Variants in SPTBN1 observed in about 807,000 individuals in gnomAD.
SPTBN1 encodes spectrin beta chain, non-erythrocytic 1.
A neutral mutation model predicts 266.4 loss-of-function variants in SPTBN1; 32 were observed. The observed-to-expected ratio is 0.12, with a 90% CI of 0.09 to 0.16. SPTBN1 has a LOEUF of 0.16. Among genes scored for constraint, SPTBN1 ranks in the 10% least tolerant of loss-of-function variants. SPTBN1 has a pLI of 1.00. For missense variants in SPTBN1, 2,296 were observed against 3,067.1 expected (o/e 0.75, Z 5.94); for synonymous variants, 1,336 against 1,162.2 (o/e 1.15, Z -3.04).
chr2:54,471,662 G>C (rs1252170603), intron 1 of SPTBN1, among the ~76,000 whole-genome samples: 1 of 152,112 alleles, frequency 6.6e-6, no homozygotes, highest in Non-Finnish European at 1.5e-5. Context: ...GGAGCAAGCT[G>C]TGTGACAAGC....
At chr2:54,635,869 T>C (rs1390890864) in intron 17 of SPTBN1, among the ~76,000 whole-genome samples, 2 of 152,282 alleles carry the variant, frequency 1.3e-5, no homozygotes, top group African/African-American at 4.8e-5. Flanking sequence ...GGGAATTTCC[T>C]TTTGACATTC....
intron 1 of SPTBN1, among the ~76,000 whole-genome samples, chr2:54,478,973 A>G (rs1311867929): frequency 6.6e-6 from 1 of 152,198 alleles, no homozygotes; most frequent in Non-Finnish European, 1.5e-5. Flanking sequence ...GTATGGAACT[A>G]AAAGCCAGAA....
intron 2 of SPTBN1, among the ~76,000 whole-genome samples, chr2:54,584,811 A>G (rs1413392822): frequency 6.6e-6 from 1 of 152,198 alleles, no homozygotes; most frequent in East Asian, 1.9e-4. Flanking sequence ...ACCTAAGACA[A>G]TATTGGCTTA....
chr2:54,596,783 G>GT (rs1481779504), intron 2 of SPTBN1, among the ~76,000 whole-genome samples: 1 of 152,156 alleles, frequency 6.6e-6, no homozygotes, highest in Non-Finnish European at 1.5e-5. Context: ...ATCTCAGTCT[G>GT]TTTCAGCTCT....
chr2:54,529,808 C>CT, intron 2 of SPTBN1: 1 of 484,328 alleles, frequency 2.1e-6, no homozygotes, highest in South Asian at 1.5e-5. Context: ...ATCATCCAAA[C>CT]TGAGTCCATC....
chr2:54,477,451 A>G (rs1022833974), intron 1 of SPTBN1, among the ~76,000 whole-genome samples: 1 of 151,154 alleles, frequency 6.6e-6, no homozygotes, highest in African/African-American at 2.4e-5. Flanking sequence ...AAATCATGTT[A>G]AATCCAGGCC....
At chr2:54,458,507 A>G (rs962986910) in intron 1 of SPTBN1, among the ~76,000 whole-genome samples, 4 of 152,216 alleles carry the variant, frequency 2.6e-5, no homozygotes, top group African/African-American at 9.6e-5. Flanking sequence ...TAATGGGATT[A>G]TGACAGTAAC....
Position 54,629,561 on chromosome 2 carries a change from C to T in SPTBN1, c.2427C>T (p.Ala809=). 1.2e-6 allele frequency: 2 copies of T among 1,614,112 alleles called. No homozygotes were observed. Among genetic ancestry groups the T allele is most frequent in the South Asian group, 1.1e-5 (1 of 91,090 alleles). ...ACACGCTGCACGAACAAGCCAGCGC[C>T]CTCCCCCAGGAGCATGCCGAGTCTC... ...TLDTLHEQAS[A]LPQEHAESPD... The change falls in exon 14 of 36, where the codon GCC becomes GCT. Residue 809 remains alanine (A), a synonymous_variant. Coordinates refer to ENST00000356805, the MANE Select transcript of SPTBN1 (RefSeq NM_003128.3).
intron 3 of SPTBN1, among the ~76,000 whole-genome samples, chr2:54,608,714 GCACA>G (rs760235577): frequency 6.6e-6 from 1 of 151,274 alleles, no homozygotes; most frequent in Non-Finnish European, 1.5e-5. Context: ...GTGCGCGCAT[GCACA>G]CACACAGTGG....
chr2:54,621,349 T>TG (rs915979641), intron 7 of SPTBN1, 51 bp from the exon 8 acceptor site: 2 of 1,370,850 alleles, frequency 1.5e-6, no homozygotes, highest in African/African-American at 2.8e-5. Flanking sequence ...GCTACCTGGG[T>TG]GGGGCACAGT....
At chr2:54,463,852 CTGATTTATATATATGTATTTTT>C (rs1693495504) in intron 1 of SPTBN1, among the ~76,000 whole-genome samples, 1 of 152,118 alleles carries the variant, frequency 6.6e-6, no homozygotes. Context: ...AAAGGAAAAT[CTGATTTATATATATGTATTTTT>C]TAAACAAACA....
chr2:54,610,411 A>G (rs1302456961), intron 3 of SPTBN1, among the ~76,000 whole-genome samples: 1 of 152,174 alleles, frequency 6.6e-6, no homozygotes, highest in South Asian at 2.1e-4. Context: ...TAAAAGATGC[A>G]TTTTTAATTA....
chr2:54,518,790 G>A (rs1021724650), intron 1 of SPTBN1, among the ~76,000 whole-genome samples: 21 of 152,158 alleles, frequency 1.4e-4, no homozygotes, highest in Admixed American at 2.0e-4. Flanking sequence ...TTTTAAGATT[G>A]GGTATTAAGG....
chr2:54,582,349 T>C (rs752955193), intron 2 of SPTBN1, among the ~76,000 whole-genome samples: 3 of 152,020 alleles, frequency 2.0e-5, no homozygotes, highest in Non-Finnish European at 2.9e-5. Flanking sequence ...AGGTGCAAGA[T>C]GAATTACACT....
intron 2 of SPTBN1, chr2:54,527,419 A>T (rs959546427): frequency 2.0e-5 from 3 of 152,174 alleles, no homozygotes; most frequent in Non-Finnish European, 4.4e-5. Flanking sequence ...CATAACTCAC[A>T]TTTTTGTTGC....
Position 54,668,668 on chromosome 2 carries a change from T to A in SPTBN1, c.*99T>A. On this transcript the variant is annotated 3_prime_UTR_variant, in exon 36 of 36. Coordinates refer to ENST00000356805, the MANE Select transcript of SPTBN1 (RefSeq NM_003128.3). ...CATTACTCTCTGTGCCTAATGTTCC[T>A]CAATGTGGTTGATTTTTTTTTTTTT... The A allele has an allele frequency of 1.7e-5, 13 of 785,220 alleles. No individual in the cohort carries two copies. The highest frequency in any genetic ancestry group is 2.2e-5 in the Non-Finnish European group (12 of 548,374). The allele number at this position is 785,220 out of a possible 1,614,324, so 48.6% of individuals were successfully genotyped here.
At position 54,631,089 on chromosome 2, in the gene SPTBN1, C is replaced by T; in HGVS notation, c.3042C>T (p.Asp1014=). The T allele has an allele frequency of 6.2e-7, 1 of 1,614,130 alleles. No homozygotes were observed. The highest frequency in any genetic ancestry group is 8.5e-7 in the Non-Finnish European group (1 of 1,180,006). The change falls in exon 16 of 36, where the codon GAC becomes GAT. Residue 1014 remains aspartate (D), a synonymous_variant. Transcript: ENST00000356805. ...DLVAIEAKLS[D]LQKEAEKLES... ...TGGCCATTGAGGCAAAGCTGAGTGA[C>T]CTGCAGAAGGAGGCGGAGAAGCTGG...
chr2:54,615,606 G>A (rs1677550585), intron 4 of SPTBN1, among the ~76,000 whole-genome samples: 1 of 152,186 alleles, frequency 6.6e-6, no homozygotes, highest in Admixed American at 6.6e-5. Flanking sequence ...GGAAGCTGGG[G>A]AACCTGCCCA....
chr2:54,509,174 T>C (rs1669726830), intron 1 of SPTBN1, among the ~76,000 whole-genome samples: 1 of 151,944 alleles, frequency 6.6e-6, no homozygotes, highest in Non-Finnish European at 1.5e-5. Context: ...ATAAACCAAG[T>C]GTGATCAGGG....
Sources: allele counts gnomAD v4.1 joint callset (sites outside exome capture counted in the v4.1 genomes callset), GRCh38; gene constraint gnomAD v4.1.1; transcripts MANE v1.5; gene names NCBI Gene and HGNC (gene_info 2026-07-23, HGNC 2026-07-21).